MED12L: variants seen among roughly 807,000 people sequenced by gnomAD.
MED12L encodes the protein mediator of RNA polymerase II transcription subunit 12-like protein.
A neutral mutation model predicts 281.3 loss-of-function variants in MED12L; 60 were observed. That is an observed-to-expected ratio of 0.21 (90% CI 0.17 to 0.26). The LOEUF is 0.26. Ranked by LOEUF, MED12L falls within the 10% of genes least tolerant of loss-of-function variation. The pLI, the probability that MED12L is intolerant of heterozygous loss-of-function variation, is 1.00. For missense variants in MED12L, 2,146 were observed against 2,680.9 expected, an observed-to-expected ratio of 0.80 and a Z score of 4.41; for synonymous variants, 974 against 987.2, an observed-to-expected ratio of 0.99 and a Z score of 0.25.
intron 16 of MED12L, among the ~76,000 whole-genome samples, chr3:151,325,598 C>G (rs1749502973): frequency 6.6e-6 from 1 of 152,128 alleles, no homozygotes; most frequent in South Asian, 2.1e-4. Context: ...TACTATGCCT[C>G]TTCACCACGT....
intron 16 of MED12L, among the ~76,000 whole-genome samples, chr3:151,259,736 A>T (rs769855102): frequency 4.6e-5 from 7 of 152,238 alleles, no homozygotes; most frequent in Non-Finnish European, 1.0e-4. Flanking sequence ...TTAATCTTTC[A>T]GAGAATTCTT....
rs1361763117 is a variant in MED12L, at chr3:151,236,371, A to C, written c.2250+42705A>C. ...TCCTTTTAAATCTCTGGATCACAGA[A>C]TTAGAATAATCATAATTCTTGATTC... On this transcript the variant is annotated intron_variant, in intron 16 of 44. Transcript: ENST00000687756. 2.4e-4 allele frequency among the ~76,000 whole-genome samples: 36 copies of C among 152,346 alleles called. 1 individual carries two copies.
intron 16 of MED12L, among the ~76,000 whole-genome samples, chr3:151,300,658 T>C (rs1019627002): frequency 4.6e-5 from 7 of 152,202 alleles, no homozygotes; most frequent in African/African-American, 1.7e-4. Context: ...AGTCACACTC[T>C]TTCTCATGAA....
intron 39 of MED12L, among the ~76,000 whole-genome samples, chr3:151,397,510 T>C (rs961201505): frequency 2.0e-5 from 3 of 152,212 alleles, no homozygotes; most frequent in Non-Finnish European, 4.4e-5. Context: ...ATAGATCATG[T>C]ATAAGCTATT....
At position 151,258,183 on chromosome 3, in the gene MED12L, A is replaced by G. The variant is rs141736068; in HGVS notation, c.2250+64517A>G. ...AGTGGGAGTTCCGATATGGTATGAGACCACTGTGAGATGGATTAGAAAGAT... is the reference window on the plus strand; with the variant it reads ...AGTGGGAGTTCCGATATGGTATGAGGCCACTGTGAGATGGATTAGAAAGAT... On this transcript the variant is annotated intron_variant, in intron 16 of 44. Coordinates refer to ENST00000687756, the MANE Select transcript of MED12L (RefSeq NM_001393769.1). Among the ~76,000 whole-genome samples the G allele has an allele frequency of 6.7e-3, 1,013 of 152,284 alleles. 11 individuals carry two copies. Among genetic ancestry groups the G allele is most frequent in the African/African-American group, 0.024 (981 of 41,556 alleles).
In MED12L at chr3:151,389,840, C is replaced by A. The variant is rs1251418716; in HGVS notation, c.5452-139C>A. The A allele has an allele frequency of 9.7e-6, 7 of 722,458 alleles. No individual in the cohort carries two copies. The Admixed American group carries it at 1.9e-4, about 20-fold the overall frequency. 44.8% of individuals were successfully genotyped at this position (722,458 alleles called of 1,614,324 possible). Reference sequence around the variant, plus strand: ...TCCAGGGGATTTATTAGCACTCTTCCTTCCATCTTCTCCTTTATAAAAAAC... The same window carrying A: ...TCCAGGGGATTTATTAGCACTCTTCATTCCATCTTCTCCTTTATAAAAAAC... On this transcript the variant is annotated intron_variant, in intron 37 of 44. Transcript: ENST00000687756.
At chr3:151,263,086 T>C (rs1739201578) in intron 16 of MED12L, among the ~76,000 whole-genome samples, 1 of 151,980 alleles carries the variant, frequency 6.6e-6, no homozygotes, top group African/African-American at 2.4e-5. Context: ...TAGGAGTACA[T>C]GGGGTTGACG....
At chr3:151,297,133 C>T (rs1745210896) in intron 16 of MED12L, among the ~76,000 whole-genome samples, 2 of 152,200 alleles carry the variant, frequency 1.3e-5, no homozygotes, top group African/African-American at 4.8e-5. Flanking sequence ...TTATGAGACC[C>T]ATAGTATTAC....
At chr3:151,240,239 C>T (rs1002198717) in intron 16 of MED12L, among the ~76,000 whole-genome samples, 8 of 152,158 alleles carry the variant, frequency 5.3e-5, no homozygotes, top group Admixed American at 2.6e-4. Flanking sequence ...TGTACTGACA[C>T]GACGCCCAGT....
At chr3:151,217,418 A>G (rs1391369821) in intron 16 of MED12L, among the ~76,000 whole-genome samples, 1 of 152,180 alleles carries the variant, frequency 6.6e-6, no homozygotes, top group African/African-American at 2.4e-5. Flanking sequence ...GGTGATATAC[A>G]CCATTCCCCT....
At chr3:151,292,508 C>T (rs1422176231) in intron 16 of MED12L, among the ~76,000 whole-genome samples, 1 of 149,378 alleles carries the variant, frequency 6.7e-6, no homozygotes, top group East Asian at 2.0e-4. Context: ...AGGCTGGTCT[C>T]GAGCTCCTGA....
intron 42 of MED12L, among the ~76,000 whole-genome samples, chr3:151,415,347 A>G (rs890592947): frequency 9.8e-5 from 15 of 152,332 alleles, no homozygotes; most frequent in African/African-American, 3.6e-4. Flanking sequence ...AAGTTGGGTT[A>G]ATTTTTCTTA....
Position 151,436,605 on chromosome 3 carries a change from A to C in MED12L, c.*3801A>C. On this transcript the variant is annotated 3_prime_UTR_variant, in exon 45 of 45. Transcript: ENST00000687756. Reference sequence around the variant, plus strand: ...TAATACTGTAAATGTATTCAAATTCATTTACATGCCTATGGCTGCCTTTGA... The same window carrying C: ...TAATACTGTAAATGTATTCAAATTCCTTTACATGCCTATGGCTGCCTTTGA... 1.1e-6 allele frequency: 1 copy of C among 925,338 alleles called. No individual in the cohort carries two copies. 57.3% of individuals were successfully genotyped at this position (925,338 alleles called of 1,614,324 possible).
intron 17 of MED12L, among the ~76,000 whole-genome samples, chr3:151,353,166 A>G (rs1753451508): frequency 6.6e-6 from 1 of 152,252 alleles, no homozygotes; most frequent in African/African-American, 2.4e-5. Context: ...AGTAGGATCT[A>G]CTTCTTTAAG....
chr3:151,213,656 T>G (rs1559885371), intron 16 of MED12L: 1 of 1,614,202 alleles, frequency 6.2e-7, no homozygotes, highest in East Asian at 2.2e-5. Context: ...GAATTCCGAC[T>G]TGACTTAAGG....
intron 16 of MED12L, among the ~76,000 whole-genome samples, chr3:151,251,961 T>C (rs1449918589): frequency 6.6e-6 from 1 of 152,194 alleles, no homozygotes; most frequent in Non-Finnish European, 1.5e-5. Context: ...GTCACAGATT[T>C]TGATTCTTTT....
At chr3:151,228,465 C>T (rs904936538) in intron 16 of MED12L, among the ~76,000 whole-genome samples, 4 of 152,008 alleles carry the variant, frequency 2.6e-5, no homozygotes, top group African/African-American at 7.3e-5. Context: ...TTCCCCTCTT[C>T]TTTAAGTTGA....
rs901280093 is a variant in MED12L at position 151,339,272 on chromosome 3, A to G, written c.2251-10787A>G. Reference sequence around the variant, plus strand: ...CTATTCACAGTCACTTTTCCCCCCAACGTCCTTATTTCTGAGCTTCTTTTA... The same window carrying G: ...CTATTCACAGTCACTTTTCCCCCCAGCGTCCTTATTTCTGAGCTTCTTTTA... On this transcript the variant is annotated intron_variant, in intron 16 of 44. Coordinates refer to ENST00000687756, the MANE Select transcript of MED12L (RefSeq NM_001393769.1). 2.6e-5 allele frequency among the ~76,000 whole-genome samples: 4 copies of G among 152,048 alleles called. No individual in the cohort carries two copies. In the East Asian group the frequency reaches 5.8e-4, roughly 22 times the overall value.
chr3:151,149,463 C>T (rs888654167), intron 5 of MED12L, among the ~76,000 whole-genome samples: 7 of 151,918 alleles, frequency 4.6e-5, no homozygotes, highest in African/African-American at 1.7e-4. Flanking sequence ...ATACTTCATC[C>T]CTAAAAATGC....
Sources: allele counts gnomAD v4.1 joint callset (sites outside exome capture counted in the v4.1 genomes callset), GRCh38; gene constraint gnomAD v4.1.1; transcripts MANE v1.5; gene names NCBI Gene and HGNC (gene_info 2026-07-23, HGNC 2026-07-21).